FGF13: variants seen among roughly 807,000 people sequenced by gnomAD.
The protein encoded by FGF13 is fibroblast growth factor homologous factor 2.
Under a neutral mutation model 19.5 loss-of-function variants are expected in FGF13, and 2 were observed. The ratio of observed to expected loss-of-function variants is 0.10; its 90% CI spans 0.04 to 0.32. FGF13 has a LOEUF of 0.32. Ranked by LOEUF, FGF13 falls within the 10% of genes least tolerant of loss-of-function variation. The pLI is 1.00. For synonymous variants in FGF13, 72 were observed against 76.9 expected, an observed-to-expected ratio of 0.94 and a Z score of 0.33; for missense variants, 113 against 192.7, an observed-to-expected ratio of 0.59 and a Z score of 2.45.
At chrX:138,708,527 T>TG (rs747522306) in intron 2 of FGF13, among the ~76,000 whole-genome samples, 5 of 112,012 alleles carry the variant, frequency 4.5e-5, no homozygotes, top group Admixed American at 1.9e-4. Flanking sequence ...AAATTTTCTG[T>TG]GGGAAAAAAG....
chrX:138,908,499 A>AGCCAG (rs372727127), intron 1 of FGF13, among the ~76,000 whole-genome samples: 1,814 of 109,939 alleles, frequency 0.017, 43 homozygotes, highest in African/African-American at 0.055. Context: ...GTCACTTTGA[A>AGCCAG]GCCAGGTACA....
chrX:138,689,247 C>T (rs1337933271), intron 3 of FGF13, among the ~76,000 whole-genome samples: 1 of 112,229 alleles, frequency 8.9e-6, no homozygotes. Context: ...TTTTACATTT[C>T]TGGAATTCTC....
At position 138,673,250 on chromosome X, in the gene FGF13, G is replaced by C. The variant is rs1052575757; in HGVS notation, c.402+29734C>G. Among the ~76,000 whole-genome samples the C allele has an allele frequency of 8.1e-5, 9 of 111,421 alleles. No homozygotes were observed. In the Admixed American group the frequency reaches 8.6e-4, roughly 11 times the overall value. On this transcript the variant is annotated intron_variant, in intron 3 of 4. Transcript: ENST00000315930. ...TCATTTAAATGAAGCTGAAAGAGGA[G>C]ACCTTGTGTTTAGGGGATACCAGCC...
chrX:138,956,574 A>C (rs1357226146), intron 1 of FGF13, among the ~76,000 whole-genome samples: 2 of 110,774 alleles, frequency 1.8e-5, no homozygotes, highest in South Asian at 7.8e-4. Flanking sequence ...TGAGTTAGTC[A>C]ACTCTGCTCT....
intron 3 of FGF13, among the ~76,000 whole-genome samples, chrX:138,846,547 C>T (rs771787344): frequency 8.9e-6 from 1 of 112,342 alleles, no homozygotes; most frequent in South Asian, 3.7e-4. Context: ...TCTCTCAGTG[C>T]TGGCTCCAGC....
At chrX:138,791,237 A>C (rs142137358) in intron 3 of FGF13, among the ~76,000 whole-genome samples, 1 of 112,206 alleles carries the variant, frequency 8.9e-6, no homozygotes, top group African/African-American at 3.2e-5. Flanking sequence ...ACACCATCTT[A>C]TATAGGGCAC....
At chrX:138,997,158 C>A (rs1463710000) in intron 1 of FGF13, among the ~76,000 whole-genome samples, 2 of 111,909 alleles carry the variant, frequency 1.8e-5, no homozygotes, top group Non-Finnish European at 3.8e-5. Context: ...GACATCCACA[C>A]CAAAACCCCA....
intron 3 of FGF13, among the ~76,000 whole-genome samples, chrX:138,789,959 G>C (rs1313784248): frequency 2.0e-5 from 2 of 98,459 alleles, no homozygotes; most frequent in East Asian, 6.6e-4. Flanking sequence ...GCAGAAGAAT[G>C]GCGTGAACCT....
chrX:139,133,953 T>C, intron 1 of FGF13, among the ~76,000 whole-genome samples: 1 of 111,551 alleles, frequency 9.0e-6, no homozygotes, highest in Admixed American at 9.5e-5. Flanking sequence ...GGCTATGAAG[T>C]CTCCATTAAG....
At chrX:138,768,610 C>A (rs1272403872) in intron 3 of FGF13, among the ~76,000 whole-genome samples, 12 of 106,799 alleles carry the variant, frequency 1.1e-4, no homozygotes, top group African/African-American at 4.1e-4. Flanking sequence ...AAGGACTATG[C>A]AATGATCTGA....
chrX:139,084,821 C>A (rs888236906), intron 1 of FGF13, among the ~76,000 whole-genome samples: 24 of 112,269 alleles, frequency 2.1e-4, no homozygotes, highest in African/African-American at 7.8e-4. Flanking sequence ...CCAATTTGTC[C>A]TTTAATACTT....
At chrX:138,778,675 G>T (rs1022579010) in intron 3 of FGF13, among the ~76,000 whole-genome samples, 4 of 112,048 alleles carry the variant, frequency 3.6e-5, no homozygotes, top group Admixed American at 2.8e-4. Flanking sequence ...TAGGCCCACG[G>T]AGTCTCGCTG....
intron 1 of FGF13, among the ~76,000 whole-genome samples, chrX:139,167,221 T>C (rs998530662): frequency 2.0e-4 from 22 of 111,985 alleles, no homozygotes; most frequent in Admixed American, 9.5e-4. Context: ...CTGTCTCCCT[T>C]ATTGGACTGT....
chrX:138,963,689 C>T (rs373734722), intron 1 of FGF13, among the ~76,000 whole-genome samples: 7 of 112,233 alleles, frequency 6.2e-5, no homozygotes, highest in Admixed American at 3.8e-4. Flanking sequence ...GAAGTACTTC[C>T]GCCTCAGCCT....
chrX:139,072,200 C>T (rs1294842364), intron 1 of FGF13, among the ~76,000 whole-genome samples: 1 of 107,731 alleles, frequency 9.3e-6, no homozygotes, highest in Non-Finnish European at 1.9e-5. Flanking sequence ...AAGTGGGGCC[C>T]TAATCCAATA....
chrX:138,701,321 C>G (rs17510151), intron 3 of FGF13, among the ~76,000 whole-genome samples: 1,664 of 111,987 alleles, frequency 0.015, 32 homozygotes, highest in African/African-American at 0.051. Flanking sequence ...AAAAACCTAC[C>G]TTTGTATCTG....
At chrX:139,042,056 T>C (rs2092271762) in intron 1 of FGF13, among the ~76,000 whole-genome samples, 1 of 112,661 alleles carries the variant, frequency 8.9e-6, no homozygotes, top group African/African-American at 3.2e-5. Flanking sequence ...TTCATCATGG[T>C]ATTTGACAAT....
intron 3 of FGF13, among the ~76,000 whole-genome samples, chrX:138,778,729 C>T (rs1001151132): frequency 8.9e-6 from 1 of 112,331 alleles, no homozygotes; most frequent in Non-Finnish European, 1.9e-5. Context: ...AGGCGGCAGC[C>T]AGGCTGGGGG....
intron 3 of FGF13, among the ~76,000 whole-genome samples, chrX:138,787,223 TG>T (rs1387103341): frequency 2.7e-5 from 3 of 112,830 alleles, no homozygotes; most frequent in Non-Finnish European, 5.6e-5. Flanking sequence ...ATCAGCCAGA[TG>T]GGGCTGTGGA....
Sources: gnomAD v4.1 joint callset for allele counts (sites outside exome capture counted in the v4.1 genomes callset) on GRCh38, gnomAD v4.1.1 for gene constraint, MANE v1.5 for transcripts, NCBI Gene and HGNC (gene_info 2026-07-23, HGNC 2026-07-21) for gene names.